CCDC69: variants seen among roughly 807,000 people sequenced by gnomAD.
The protein encoded by CCDC69 is coiled-coil domain containing 69, also known as coiled-coil domain-containing protein 69.
CCDC69 carries 38 observed loss-of-function variants against 40.3 expected under a neutral mutation model. The observed-to-expected ratio is 0.94, with a 90% CI of 0.73 to 1.24. CCDC69 has a LOEUF of 1.24. CCDC69 is among the 50% of genes most tolerant of loss of function. The probability of loss-of-function intolerance (pLI) is 0.00; values close to 1 mark genes in which losing one functional copy is unlikely to be tolerated. For missense variants in CCDC69, 389 were observed against 357.9 expected (o/e 1.09, Z -0.70); for synonymous variants, 141 against 138.9 (o/e 1.02, Z -0.11).
rs60994937 is a variant in CCDC69, at chr5:151,206,175, A to G, written c.49-700T>C. 2.4e-3 allele frequency among the ~76,000 whole-genome samples: 360 copies of G among 152,284 alleles called. 3 individuals are homozygous for G. Among genetic ancestry groups the G allele is most frequent in the African/African-American group, 8.0e-3 (332 of 41,566 alleles). The stretch of plus-strand genomic sequence containing the variant: ...GCTCACAGAACTTGGGAAAACACTT[A>G]CTTATAATGACTGGTTTATTGTAAA... On this transcript the variant is annotated intron_variant, in intron 1 of 8. Coordinates refer to ENST00000355417, the MANE Select transcript of CCDC69 (RefSeq NM_015621.3).
chr5:151,221,938 G>T (rs989224665), intron 1 of CCDC69, among the ~76,000 whole-genome samples: 8 of 152,262 alleles, frequency 5.3e-5, no homozygotes, highest in African/African-American at 1.9e-4. Flanking sequence ...ACAGGGATGA[G>T]AACTTTAAAC....
At chr5:151,199,818 ACT>A (rs1435598593) in intron 3 of CCDC69, among the ~76,000 whole-genome samples, 1 of 152,114 alleles carries the variant, frequency 6.6e-6, no homozygotes, top group East Asian at 1.9e-4. Context: ...TACCATGGTA[ACT>A]CTACCAAAAC....
chr5:151,221,744 C>T (rs1192147435), intron 1 of CCDC69, among the ~76,000 whole-genome samples: 1 of 152,252 alleles, frequency 6.6e-6, no homozygotes, highest in African/African-American at 2.4e-5. Flanking sequence ...ATGCTGTAAA[C>T]ACTCAGGGTG....
intron 4 of CCDC69, among the ~76,000 whole-genome samples, chr5:151,194,857 A>C (rs1379347851): frequency 7.2e-6 from 1 of 138,164 alleles, no homozygotes; most frequent in Non-Finnish European, 1.5e-5. Context: ...ACGCCACTGC[A>C]CTCCAGCCTG....
intron 4 of CCDC69, among the ~76,000 whole-genome samples, chr5:151,187,878 G>A (rs1020902716): frequency 5.9e-5 from 9 of 152,162 alleles, no homozygotes; most frequent in African/African-American, 1.7e-4. Flanking sequence ...GCACAAAACT[G>A]CAGTAAGTAC....
At chr5:151,194,176 A>T (rs1237873264) in intron 4 of CCDC69, among the ~76,000 whole-genome samples, 1 of 152,250 alleles carries the variant, frequency 6.6e-6, no homozygotes, top group Non-Finnish European at 1.5e-5. Flanking sequence ...ACATACATTT[A>T]TCATATGACC....
At chr5:151,219,538 C>T (rs970755979) in intron 1 of CCDC69, among the ~76,000 whole-genome samples, 3 of 152,056 alleles carry the variant, frequency 2.0e-5, no homozygotes, top group South Asian at 2.1e-4. Context: ...TTAAAAAGTC[C>T]GTGTTTCCAT....
At position 151,201,529 on chromosome 5, in the gene CCDC69, A is replaced by T. The variant is rs1311812159; in HGVS notation, c.231+53T>A. The T allele has an allele frequency of 8.7e-6, 11 of 1,267,840 alleles. No individual in the cohort carries two copies. The East Asian group carries it at 9.3e-5, about 11-fold the overall frequency. The allele number at this position is 1,267,840 out of a possible 1,614,324, so 78.5% of individuals were successfully genotyped here. ...AAGGTAGGCACTCACTCTGGGATTC[A>T]CCAAAGTTAGCTGAGCAGGAGAAAG... On this transcript the variant is annotated intron_variant, in intron 3 of 8. Coordinates refer to ENST00000355417, the MANE Select transcript of CCDC69 (RefSeq NM_015621.3).
At chr5:151,195,213 A>G (rs932466577) in intron 4 of CCDC69, among the ~76,000 whole-genome samples, 2 of 152,222 alleles carry the variant, frequency 1.3e-5, no homozygotes, top group Admixed American at 6.5e-5. Context: ...AAGACAGGCA[A>G]TCTCTTCTCC....
chr5:151,186,419 GA>G (rs1752520337), intron 5 of CCDC69, among the ~76,000 whole-genome samples: 1 of 142,806 alleles, frequency 7.0e-6, no homozygotes, highest in South Asian at 2.5e-4. Flanking sequence ...GAGGGGAAGG[GA>G]GGGGGACAGA....
At chr5:151,207,394 C>T (rs1448077975) in intron 1 of CCDC69, among the ~76,000 whole-genome samples, 1 of 151,958 alleles carries the variant, frequency 6.6e-6, no homozygotes, top group Admixed American at 6.6e-5. Flanking sequence ...TGGGTTCACG[C>T]CATTCTCCTG....
In CCDC69 at chr5:151,205,710, G is replaced by T. The variant is rs564238364; in HGVS notation, c.49-235C>A. Reference sequence around the variant, plus strand: ...GTCAGGGAAACCCTCAGGGGAGTTTGACACTGCTTGACCTGTCCCTAGATC... The same window carrying T: ...GTCAGGGAAACCCTCAGGGGAGTTTTACACTGCTTGACCTGTCCCTAGATC... On this transcript the variant is annotated intron_variant, in intron 1 of 8. Transcript: ENST00000355417. Among the ~76,000 whole-genome samples, 15 of 152,276 alleles carry T rather than the reference G, an allele frequency of 9.9e-5. No individual in the cohort carries two copies. The South Asian group carries it at 3.1e-3, about 32-fold the overall frequency.
intron 1 of CCDC69, among the ~76,000 whole-genome samples, chr5:151,220,936 G>C (rs1753126369): frequency 6.6e-6 from 1 of 152,096 alleles, no homozygotes; most frequent in Non-Finnish European, 1.5e-5. Context: ...GCCTTCTCCT[G>C]AGTCCTCCTG....
intron 1 of CCDC69, chr5:151,212,872 C>T (rs2114001522): frequency 2.2e-6 from 1 of 456,158 alleles, no homozygotes; most frequent in Non-Finnish European, 4.4e-6. Context: ...AGAAAAATTT[C>T]AGAACCATCA....
chr5:151,192,979 T>C (rs1237819456), intron 4 of CCDC69, among the ~76,000 whole-genome samples: 13 of 152,168 alleles, frequency 8.5e-5, no homozygotes, highest in Non-Finnish European at 1.5e-4. Flanking sequence ...AAATACAGTC[T>C]AACAACTATT....
intron 1 of CCDC69, among the ~76,000 whole-genome samples, chr5:151,208,585 C>A (rs1381958785): frequency 2.6e-5 from 4 of 152,248 alleles, no homozygotes; most frequent in Non-Finnish European, 4.4e-5. Flanking sequence ...TCAATCCTCC[C>A]TTTCCAGGGA....
intron 4 of CCDC69, among the ~76,000 whole-genome samples, chr5:151,190,654 A>C (rs1752596000): frequency 8.2e-6 from 1 of 121,910 alleles, no homozygotes; most frequent in Non-Finnish European, 1.7e-5. Context: ...TGACAGAGCA[A>C]GACTCTGTCT....
At chr5:151,204,323 C>G (rs1316937951) in intron 2 of CCDC69, among the ~76,000 whole-genome samples, 1 of 152,280 alleles carries the variant, frequency 6.6e-6, no homozygotes, top group East Asian at 1.9e-4. Flanking sequence ...GCAAGAGCCA[C>G]CGCACCTGGC....
rs773751517 is a variant in CCDC69 at position 151,186,034 on chromosome 5, T to A, written c.484A>T (p.Lys162Ter). The A allele has an allele frequency of 6.2e-7, 1 of 1,613,564 alleles. No homozygotes were observed. Among genetic ancestry groups the A allele is most frequent in the Non-Finnish European group, 8.5e-7 (1 of 1,179,528 alleles). Residue 162 changes from lysine to a stop codon, truncating the protein, a stop_gained, in exon 6 of 9, where the codon AAA becomes TAA. Coordinates refer to ENST00000355417, the MANE Select transcript of CCDC69 (RefSeq NM_015621.3). LOFTEE classifies it high-confidence loss of function. ...EESILSRNYK[K>*]HIQDYGSPSQ... ...GTGCTGCCACCTACCTGGATATGTT[T>A]CTTATAGTTTCGGCTCAGAATGGAC...
Sources: allele counts gnomAD v4.1 joint callset (sites outside exome capture counted in the v4.1 genomes callset), GRCh38; gene constraint gnomAD v4.1.1; transcripts MANE v1.5; gene names NCBI Gene and HGNC (gene_info 2026-07-23, HGNC 2026-07-21).